The following PEX7 variants were observed in gnomAD, a reference collection of about 807,000 sequenced individuals.
PEX7 encodes peroxisomal biogenesis factor 7.
In PEX7, 34 loss-of-function variants were observed where a neutral mutation model predicts 47.5. That is an observed-to-expected ratio of 0.72 (90% confidence interval 0.54 to 0.95). PEX7 has a LOEUF of 0.95. Ranked by LOEUF, PEX7 falls within the 40% of genes least tolerant of loss-of-function variation. The probability of loss-of-function intolerance (pLI) is 0.00; values close to 1 mark genes in which losing one functional copy is unlikely to be tolerated. For missense variants in PEX7, 394 were observed against 400.3 expected (o/e 0.98, Z 0.13); for synonymous variants, 141 against 148.8 (o/e 0.95, Z 0.38).
At chr6:136,830,185 T>A in intron 3 of PEX7, 2 of 611,580 alleles carry the variant, frequency 3.3e-6, no homozygotes, top group Non-Finnish European at 5.8e-6. Flanking sequence ...TTCCTAAACT[T>A]GAGTGTTTTT....
At chr6:136,822,890 G>A in intron 1 of PEX7, 95 bp downstream of exon 1, 4 of 1,218,058 alleles carry the variant, frequency 3.3e-6, no homozygotes, top group Non-Finnish European at 4.1e-6. Flanking sequence ...AAGCCCCTCT[G>A]AGCGTAGACG....
intron 3 of PEX7, among the ~76,000 whole-genome samples, chr6:136,837,760 G>A (rs1409487479): frequency 6.6e-6 from 1 of 151,746 alleles, no homozygotes; most frequent in African/African-American, 2.4e-5. Flanking sequence ...CTCACTGGCC[G>A]AAGATGAGAC....
chr6:136,824,748 A>T (rs937548946), intron 1 of PEX7, among the ~76,000 whole-genome samples: 1 of 152,136 alleles, frequency 6.6e-6, no homozygotes, highest in African/African-American at 2.4e-5. Flanking sequence ...CCGCATTCAT[A>T]TTTTGTTTTA....
intron 8 of PEX7, among the ~76,000 whole-genome samples, chr6:136,874,491 G>A (rs1775233809): frequency 6.6e-6 from 1 of 151,994 alleles, no homozygotes; most frequent in African/African-American, 2.4e-5. Context: ...GGCCAACATG[G>A]TGAAACCCTG....
chr6:136,873,050 A>G (rs1165095196), intron 8 of PEX7, among the ~76,000 whole-genome samples: 1 of 152,062 alleles, frequency 6.6e-6, no homozygotes, highest in Non-Finnish European at 1.5e-5. Context: ...ACATGGTTTG[A>G]TTCCTTTGTT....
intron 5 of PEX7, 102 bp from the exon 6 acceptor site, chr6:136,866,525 T>C: frequency 3.2e-6 from 3 of 938,360 alleles, no homozygotes; most frequent in Non-Finnish European, 5.2e-6. Flanking sequence ...ATCCTAACAC[T>C]GAAAGCAGTG....
At chr6:136,879,612 T>C (rs1775340209) in intron 8 of PEX7, among the ~76,000 whole-genome samples, 1 of 152,182 alleles carries the variant, frequency 6.6e-6, no homozygotes, top group Non-Finnish European at 1.5e-5. Context: ...TTTTTCTTGC[T>C]GCAGGCTCAG....
Position 136,846,132 on chromosome 6 carries a change from TAGC to T in PEX7, c.479_481del (p.Ser160del), listed in dbSNP as rs1379642267. ...TTAGAGGCCATGAAAGTATTATTTATAGCACAATCTGGTCTCCCCACATCCCTG... is the reference window on the plus strand; with the variant it reads ...TTAGAGGCCATGAAAGTATTATTTATACAATCTGGTCTCCCCACATCCCTG... On this transcript the variant is annotated inframe_deletion, in exon 5 of 10. Coordinates refer to ENST00000318471, the MANE Select transcript of PEX7 (RefSeq NM_000288.4). 1 of 1,613,746 alleles carries T rather than the reference TAGC, an allele frequency of 6.2e-7. No individual in the cohort carries two copies. Among genetic ancestry groups the T allele is most frequent in the Non-Finnish European group, 8.5e-7 (1 of 1,179,702 alleles).
chr6:136,865,079 A>T (rs574540245), intron 5 of PEX7, among the ~76,000 whole-genome samples: 13 of 152,304 alleles, frequency 8.5e-5, no homozygotes, highest in Middle Eastern at 3.4e-3. Flanking sequence ...ACAACATGTA[A>T]AACATTTAAT....
At chr6:136,898,021 T>A (rs1462553625) in intron 8 of PEX7, 121 bp from the exon 9 acceptor site, 90 of 684,724 alleles carry the variant, frequency 1.3e-4, no homozygotes, top group Non-Finnish European at 7.8e-6. Context: ...GGTTCTGTAT[T>A]TATGAATTGG....
intron 8 of PEX7, among the ~76,000 whole-genome samples, chr6:136,889,780 A>G (rs1310800875): frequency 6.6e-6 from 1 of 152,256 alleles, no homozygotes; most frequent in Non-Finnish European, 1.5e-5. Context: ...AGAGTAAAAC[A>G]TTAGAAGAAG....
rs190872064 is a variant in PEX7 at position 136,910,146 on chromosome 6, A to G, written c.904-3312A>G. 3.9e-5 allele frequency among the ~76,000 whole-genome samples: 6 copies of G among 152,354 alleles called. No individual in the cohort carries two copies. In the East Asian group the frequency reaches 9.6e-4, roughly 24 times the overall value. ...GTTCTGGCTGTAGCTCTGCTACTCT[A>G]TTGTGAACATGAGGACAGAGTTAAC... is the stretch of plus-strand genomic sequence containing the variant. On this transcript the variant is annotated intron_variant, in intron 9 of 9. Transcript: ENST00000318471.
intron 5 of PEX7, 126 bp from the exon 6 acceptor site, chr6:136,866,501 C>G: frequency 1.3e-6 from 1 of 768,448 alleles, no homozygotes; most frequent in Non-Finnish European, 2.3e-6. Flanking sequence ...AAAAATAAGT[C>G]TGAAGGTGGC....
chr6:136,829,974 A>G (rs752056697), intron 3 of PEX7: 1 of 700,888 alleles, frequency 1.4e-6, no homozygotes, highest in South Asian at 1.5e-5. Flanking sequence ...GATAATGAAC[A>G]TAGCCAATTT....
intron 5 of PEX7, among the ~76,000 whole-genome samples, chr6:136,853,610 A>G (rs1474815351): frequency 6.6e-6 from 1 of 152,146 alleles, no homozygotes; most frequent in Non-Finnish European, 1.5e-5. Flanking sequence ...AAACCATCCT[A>G]AATTGTGAAA....
chr6:136,898,108 C>A, intron 8 of PEX7, 34 bp from the exon 9 acceptor site: 2 of 1,247,558 alleles, frequency 1.6e-6, no homozygotes, highest in Non-Finnish European at 2.4e-6. Context: ...GTAGTTTTAG[C>A]ATTTAAATTA....
chr6:136,855,200 A>T (rs1023504611), intron 5 of PEX7, among the ~76,000 whole-genome samples: 2 of 152,162 alleles, frequency 1.3e-5, no homozygotes, highest in Non-Finnish European at 2.9e-5. Context: ...TAATGAGAAT[A>T]TAATTTTGTA....
chr6:136,860,782 A>C (rs559680919), intron 5 of PEX7, among the ~76,000 whole-genome samples: 63 of 152,216 alleles, frequency 4.1e-4, no homozygotes, highest in African/African-American at 1.5e-3. Flanking sequence ...GCATAATCTT[A>C]GTATACAATT....
intron 3 of PEX7, among the ~76,000 whole-genome samples, chr6:136,835,911 A>G (rs1323284566): frequency 1.3e-5 from 2 of 152,250 alleles, no homozygotes; most frequent in African/African-American, 4.8e-5. Flanking sequence ...AGTTTTAAAT[A>G]GATGGAAACT....
Sources: gnomAD v4.1 joint callset for allele counts (sites outside exome capture counted in the v4.1 genomes callset) on GRCh38, gnomAD v4.1.1 for gene constraint, MANE v1.5 for transcripts, NCBI Gene and HGNC (gene_info 2026-07-23, HGNC 2026-07-21) for gene names.